Variants in BACH2 observed in about 807,000 individuals in gnomAD.
BACH2 encodes BACH transcriptional regulator 2.
BACH2 carries 5 observed loss-of-function variants against 61.8 expected under a neutral mutation model. That is an observed-to-expected ratio of 0.08 (90% CI 0.04 to 0.17). BACH2 has a LOEUF of 0.17. BACH2 is among the 10% of genes least tolerant of loss of function. The pLI is 1.00. For missense variants in BACH2, 824 were observed against 1,091.1 expected (o/e 0.76, Z 3.45); for synonymous variants, 446 against 440.1 (o/e 1.01, Z -0.17).
chr6:90,097,046 C>G (rs1782409510), intron 4 of BACH2, among the ~76,000 whole-genome samples: 1 of 152,204 alleles, frequency 6.6e-6, no homozygotes, highest in South Asian at 2.1e-4. Context: ...TGACATCCAG[C>G]ACCAGGCTCT....
intron 4 of BACH2, among the ~76,000 whole-genome samples, chr6:90,107,992 T>C (rs1330364286): frequency 2.0e-5 from 3 of 152,210 alleles, no homozygotes; most frequent in Non-Finnish European, 4.4e-5. Flanking sequence ...TGAATAAATA[T>C]TTACCATATC....
chr6:90,252,598 A>G lies in BACH2; in HGVS notation c.-352-8T>C, dbSNP rs1436720146. ...CAACAGCAACACTCTTATCTAAAGC[A>G]AAAGTAATGGATATGATTATCACTC... On this transcript the variant is annotated splice_region_variant and splice_polypyrimidine_tract_variant and intron_variant, in intron 2 of 8. Coordinates refer to ENST00000257749, the MANE Select transcript of BACH2 (RefSeq NM_021813.4). 1.3e-5 allele frequency: 2 copies of G among 152,206 alleles called. No individual in the cohort carries two copies. Among genetic ancestry groups the G allele is most frequent in the Non-Finnish European group, 2.9e-5 (2 of 68,036 alleles). The allele number at this position is 152,206 out of a possible 1,614,324, so 9.4% of individuals were successfully genotyped here. A position where few individuals can be genotyped will look rare whatever the true frequency, so the allele number is the denominator to read the frequency against.
intron 2 of BACH2, among the ~76,000 whole-genome samples, chr6:90,260,060 TG>T (rs1334326869): frequency 6.6e-6 from 1 of 152,262 alleles, no homozygotes; most frequent in East Asian, 1.9e-4. Flanking sequence ...AGTTTATGTT[TG>T]TTCTGATTTT....
chr6:90,065,840 G>A (rs141135877), intron 5 of BACH2, among the ~76,000 whole-genome samples: 52 of 152,280 alleles, frequency 3.4e-4, no homozygotes, highest in African/African-American at 1.2e-3. Context: ...CGACACGTGT[G>A]GGAAACATTT....
chr6:90,295,699 A>T (rs529910776), intron 1 of BACH2, among the ~76,000 whole-genome samples: 1 of 150,780 alleles, frequency 6.6e-6, no homozygotes, highest in East Asian at 2.0e-4. Context: ...CCTTGACTTC[A>T]TGGAGGATCT....
At chr6:89,933,133 C>T (rs184805268) in intron 8 of BACH2, among the ~76,000 whole-genome samples, 2 of 152,098 alleles carry the variant, frequency 1.3e-5, no homozygotes, top group East Asian at 1.9e-4. Context: ...CTCCAAGGCC[C>T]GGGCAAACAA....
At position 90,041,848 on chromosome 6, in the gene BACH2, AG is replaced by A. The variant is rs1779551615; in HGVS notation, c.-12-32993del. 9.2e-5 allele frequency among the ~76,000 whole-genome samples: 14 copies of A among 152,118 alleles called. No homozygotes were observed. The South Asian group carries it at 2.9e-3, about 32-fold the overall frequency. ...GCATTTATTAATTCTTCAATTTTTC[AG>A]TTTTTGAATTCAGGATTTTTTGATA... On this transcript the variant is annotated intron_variant, in intron 5 of 8. Transcript: ENST00000257749.
intron 1 of BACH2, among the ~76,000 whole-genome samples, chr6:90,283,581 T>C (rs1285484962): frequency 6.6e-6 from 1 of 150,712 alleles, no homozygotes; most frequent in Non-Finnish European, 1.5e-5. Context: ...TTCATCGTTT[T>C]AGCCAGGATG....
intron 4 of BACH2, among the ~76,000 whole-genome samples, chr6:90,177,991 G>A (rs1030288950): frequency 2.0e-5 from 3 of 152,118 alleles, no homozygotes; most frequent in Non-Finnish European, 4.4e-5. Flanking sequence ...CACAGAGCAG[G>A]TACCCGGACT....
intron 3 of BACH2, chr6:90,218,132 G>C (rs1269202551): frequency 6.6e-6 from 1 of 152,140 alleles, no homozygotes; most frequent in Non-Finnish European, 1.5e-5. Flanking sequence ...GTTGGCGTCA[G>C]GACAAAGCAA....
chr6:90,194,911 C>T (rs769236008), intron 4 of BACH2, among the ~76,000 whole-genome samples: 10 of 152,062 alleles, frequency 6.6e-5, no homozygotes, highest in Middle Eastern at 3.4e-3. Context: ...TGCTTTGTTT[C>T]GAAGAGAAAA....
rs1021323884 is a variant in BACH2, at chr6:90,059,498, G to A, written c.-13+29463C>T. 2.0e-5 allele frequency among the ~76,000 whole-genome samples: 3 copies of A among 152,192 alleles called. No individual in the cohort carries two copies. In the South Asian group the frequency reaches 6.2e-4, roughly 31 times the overall value. ...CAACAGGTGCTGGAGAGGATGTGGAGAAATAGGAACACTTTTACACTGTTG... is the reference window on the plus strand; with the variant it reads ...CAACAGGTGCTGGAGAGGATGTGGAAAAATAGGAACACTTTTACACTGTTG... On this transcript the variant is annotated intron_variant, in intron 5 of 8. Coordinates refer to ENST00000257749, the MANE Select transcript of BACH2 (RefSeq NM_021813.4).
At chr6:90,144,557 T>C (rs1426556783) in intron 4 of BACH2, among the ~76,000 whole-genome samples, 1 of 152,198 alleles carries the variant, frequency 6.6e-6, no homozygotes, top group South Asian at 2.1e-4. Context: ...CCTGCCCGCA[T>C]CTGAGGCAGG....
intron 4 of BACH2, among the ~76,000 whole-genome samples, chr6:90,095,656 G>C (rs1782352281): frequency 6.6e-6 from 1 of 152,154 alleles, no homozygotes; most frequent in African/African-American, 2.4e-5. Context: ...AAGTGTGATA[G>C]AAATGTGTTG....
intron 3 of BACH2, among the ~76,000 whole-genome samples, chr6:90,251,783 T>C (rs546092848): frequency 1.4e-4 from 22 of 152,248 alleles, no homozygotes; most frequent in African/African-American, 5.1e-4. Context: ...ATTGTTAGGA[T>C]TGTAATGGAA....
intron 1 of BACH2, among the ~76,000 whole-genome samples, chr6:90,292,468 T>C (rs1406618791): frequency 6.6e-6 from 1 of 152,224 alleles, no homozygotes; most frequent in African/African-American, 2.4e-5. Context: ...GGTTCAAAAG[T>C]AATGGATTAT....
intron 6 of BACH2, among the ~76,000 whole-genome samples, chr6:89,981,295 C>T (rs919406669): frequency 2.0e-5 from 3 of 147,768 alleles, no homozygotes; most frequent in Non-Finnish European, 4.5e-5. Context: ...CCATGCCTGG[C>T]TAATTTTTTT....
At chr6:89,933,841 C>T (rs111244774) in intron 8 of BACH2, among the ~76,000 whole-genome samples, 22,580 of 151,788 alleles carry the variant, frequency 0.15, 1,815 homozygotes, top group East Asian at 0.2. Flanking sequence ...CAAAAATTAG[C>T]CAGGTGTGGT....
At chr6:90,024,269 CA>C (rs1778524037) in intron 5 of BACH2, among the ~76,000 whole-genome samples, 1 of 151,890 alleles carries the variant, frequency 6.6e-6, no homozygotes, top group Non-Finnish European at 1.5e-5. Flanking sequence ...CTTTGGGCTT[CA>C]AATGAAAAAA....
Sources: allele counts gnomAD v4.1 joint callset (sites outside exome capture counted in the v4.1 genomes callset), GRCh38; gene constraint gnomAD v4.1.1; transcripts MANE v1.5; gene names NCBI Gene and HGNC (gene_info 2026-07-23, HGNC 2026-07-21).